Variants in SNAPC4 observed in about 807,000 individuals in gnomAD.
SNAPC4 encodes the protein small nuclear RNA activating complex polypeptide 4.
In SNAPC4, 127 loss-of-function variants were observed where a neutral mutation model predicts 151.3. The observed-to-expected ratio is 0.84, with a 90% CI of 0.73 to 0.97. SNAPC4 has a LOEUF of 0.97. Ranked by LOEUF, SNAPC4 falls within the 50% of genes least tolerant of loss-of-function variation. The pLI is 0.00. For missense variants in SNAPC4, 2,186 were observed against 1,935.0 expected (o/e 1.13, Z -2.43); for synonymous variants, 1,002 against 824.4 (o/e 1.22, Z -3.69).
In SNAPC4 at chr9:136,387,469, G is replaced by A. The variant is rs1336641364; in HGVS notation, c.1325+16C>T. On this transcript the variant is annotated intron_variant, in intron 13 of 23. Transcript: ENST00000684778. ...CCCACACGGGCCCCTCCCTCGCTCAGCGCTGTGCGACTCACCGATCTCGGC... is the reference window on the plus strand; with the variant it reads ...CCCACACGGGCCCCTCCCTCGCTCAACGCTGTGCGACTCACCGATCTCGGC... The A allele has an allele frequency of 6.3e-7, 1 of 1,582,488 alleles. No homozygotes were observed. The highest frequency in any genetic ancestry group is 1.7e-5 in the Admixed American group (1 of 59,984).
intron 14 of SNAPC4, 116 bp downstream of exon 14, chr9:136,384,604 G>A (rs1833824784): frequency 7.2e-6 from 4 of 559,216 alleles, no homozygotes; most frequent in African/African-American, 2.0e-5. Flanking sequence ...GGCTATGGTC[G>A]CACCACCGCA....
chr9:136,384,066 T>C (rs768032276), intron 14 of SNAPC4, 34 bp from the exon 15 acceptor site: 4 of 1,577,762 alleles, frequency 2.5e-6, no homozygotes, highest in Non-Finnish European at 3.5e-6. Context: ...AATGCCTTCA[T>C]CCAAAGATTC....
intron 19 of SNAPC4, 38 bp from the exon 20 acceptor site, chr9:136,380,888 T>C: frequency 2.4e-6 from 3 of 1,262,892 alleles, no homozygotes; most frequent in Non-Finnish European, 3.5e-6. Context: ...ATAGCTGCTT[T>C]CGGGAGCAGC....
chr9:136,387,446 C>T (rs781721516), intron 13 of SNAPC4, 39 bp downstream of exon 13: 3 of 1,428,284 alleles, frequency 2.1e-6, no homozygotes, highest in Non-Finnish European at 3.0e-6. Context: ...GTCAGTGACC[C>T]ACACGGGCCC....
Position 136,383,354 on chromosome 9 carries a change from A to G in SNAPC4, c.1815T>C (p.Ser605=). The change falls in exon 16 of 24, where the codon AGT becomes AGC. Residue 605 remains serine (S), a synonymous_variant. Coordinates refer to ENST00000684778, the MANE Select transcript of SNAPC4 (RefSeq NM_003086.4). This position sits in a 1 kb window ranked among gnomAD's most constrained non-coding sequence, Gnocchi z 4.2. ...AASLSPPKGS[S]ASQGGSKEAS... Reference sequence around the variant, plus strand: ...CTTCCTTGCTGCCGCCCTGGCTGGCACTGGACCCCTTGGGAGGGCTGAGGG... The same window carrying G: ...CTTCCTTGCTGCCGCCCTGGCTGGCGCTGGACCCCTTGGGAGGGCTGAGGG... 2 of 1,607,694 alleles carry G rather than the reference A, an allele frequency of 1.2e-6. No individual in the cohort carries two copies. Among genetic ancestry groups the G allele is most frequent in the South Asian group, 1.1e-5 (1 of 90,394 alleles).
In SNAPC4 at chr9:136,394,841, G is replaced by A. The variant is rs1834204014; in HGVS notation, c.509C>T (p.Ala170Val). 1.2e-6 allele frequency: 2 copies of A among 1,613,826 alleles called. No individual in the cohort carries two copies. Among genetic ancestry groups the A allele is most frequent in the African/African-American group, 1.3e-5 (1 of 74,936 alleles). ...CTCCTCGAAAGCCTTGATCCCCTGG[G>A]CAGCCTTCTCTCGTGTGTCCTCGTT... The part of the protein sequence containing the change: ...PANEDTREKA[A>V]QGIKAFEELL... The change falls in exon 6 of 24, where the codon GCC becomes GTC. Residue 170 changes from alanine (A) to valine (V), a missense_variant. Coordinates refer to ENST00000684778, the MANE Select transcript of SNAPC4 (RefSeq NM_003086.4).
In SNAPC4 at chr9:136,387,646, C is replaced by T. The variant is rs563315654; in HGVS notation, c.1231-67G>A. The T allele has an allele frequency of 5.6e-4, 792 of 1,421,234 alleles. 10 individuals are homozygous for T. In the South Asian group the frequency reaches 8.5e-3, roughly 15 times the overall value. 88.0% of individuals were successfully genotyped at this position (1,421,234 alleles called of 1,614,324 possible). A position where few individuals can be genotyped will look rare whatever the true frequency, so the allele number is the denominator to read the frequency against. ...ACGGCTGCAGCCTCCCCACCCTGAACCCAGTCAGAGAAGGGACCACTGGGG... is the reference window on the plus strand; with the variant it reads ...ACGGCTGCAGCCTCCCCACCCTGAATCCAGTCAGAGAAGGGACCACTGGGG... On this transcript the variant is annotated intron_variant, in intron 12 of 23. Transcript: ENST00000684778.
rs1456213549 is a variant in SNAPC4 at position 136,379,028 on chromosome 9, T to C, written c.2799A>G (p.Leu933=). ...CTGGGCGGCCGTGTGGGGTGTGTGG[T>C]AGAGGGGGCTGGAGGATCACAGACG... ...VSSSVILQPP[L]PHTPHGRPAP... Residue 933 remains leucine (L), a synonymous_variant, in exon 22 of 24, where the codon CTA becomes CTG. Transcript: ENST00000684778. 5 of 1,600,128 alleles carry C rather than the reference T, an allele frequency of 3.1e-6. No homozygotes were observed. Among genetic ancestry groups the C allele is most frequent in the Non-Finnish European group, 4.3e-6 (5 of 1,174,288 alleles).
Position 136,380,782 on chromosome 9 carries a change from C to T in SNAPC4, c.2457G>A (p.Leu819=). The T allele has an allele frequency of 6.2e-7, 1 of 1,611,998 alleles. No homozygotes were observed. The highest frequency in any genetic ancestry group is 8.5e-7 in the Non-Finnish European group (1 of 1,179,116). The change falls in exon 20 of 24, where the codon CTG becomes CTA. Residue 819 remains leucine (L), a synonymous_variant. Coordinates refer to ENST00000684778, the MANE Select transcript of SNAPC4 (RefSeq NM_003086.4). ...VRERKALPPR[L]PQAGARDPPV... is the part of the protein sequence containing the mutation. ...GTGGGTCCCGAGCACCAGCCTGGGGCAGCCTGGGTGGCAGGGCCTTCCTCT... is the reference window on the plus strand; with the variant it reads ...GTGGGTCCCGAGCACCAGCCTGGGGTAGCCTGGGTGGCAGGGCCTTCCTCT...
At chr9:136,395,178 G>A (rs1035030188) in intron 5 of SNAPC4, 120 bp downstream of exon 5, 5 of 1,297,860 alleles carry the variant, frequency 3.9e-6, no homozygotes, top group Admixed American at 2.1e-5. Flanking sequence ...TTTGAAGGAG[G>A]TTGGCCAATG....
chr9:136,378,416 TG>T lies in SNAPC4; in HGVS notation c.3410del (p.Pro1137GlnfsTer4). On this transcript the variant is annotated frameshift_variant, in exon 22 of 24. Coordinates refer to ENST00000684778, the MANE Select transcript of SNAPC4 (RefSeq NM_003086.4). LOFTEE classifies it high-confidence loss of function. ...GCTCCGGTTCCCTGTTCATATTGGC[TG>T]GGGGCTGCCAAGAGCTGCTCAACGC... is the stretch of plus-strand genomic sequence containing the variant. ...APALSSSWQP[P>X]ANMNREPEPS... The T allele has an allele frequency of 6.2e-7, 1 of 1,603,588 alleles. No homozygotes were observed.
chr9:136,394,770 G>A (rs764588542), intron 6 of SNAPC4, 30 bp downstream of exon 6: 3 of 1,604,000 alleles, frequency 1.9e-6, no homozygotes, highest in Non-Finnish European at 2.6e-6. Flanking sequence ...CCAAGCTCAG[G>A]GGTGCCGCAG....
In SNAPC4 at chr9:136,392,604, G is replaced by A. The variant is rs765582143; in HGVS notation, c.738-10C>T. On this transcript the variant is annotated splice_polypyrimidine_tract_variant and intron_variant, in intron 8 of 23. Coordinates refer to ENST00000684778, the MANE Select transcript of SNAPC4 (RefSeq NM_003086.4). ...CTCTTCTGGAAGCTGGCTGGTGGAA[G>A]GGATGAGGGTATTGGCACCACGCCT... 1.9e-6 allele frequency: 3 copies of A among 1,613,850 alleles called. No individual in the cohort carries two copies. The highest frequency in any genetic ancestry group is 3.3e-5 in the Admixed American group (2 of 60,034).
At chr9:136,395,838 G>A in intron 3 of SNAPC4, 68 bp from the exon 4 acceptor site, 1 of 1,497,542 alleles carries the variant, frequency 6.7e-7, no homozygotes, top group Non-Finnish European at 9.1e-7. Context: ...TCGGCAGCCA[G>A]TCGCCCATCG....
At position 136,388,600 on chromosome 9, in the gene SNAPC4, G is replaced by A. The variant is rs1385346993; in HGVS notation, c.976-9C>T. ...AAGGCGCTGCGGCTGGTCTTCCCAG[G>A]CCCAAACAAAAGCAAATGAGTGTTA... On this transcript the variant is annotated splice_polypyrimidine_tract_variant and intron_variant, in intron 10 of 23. Coordinates refer to ENST00000684778, the MANE Select transcript of SNAPC4 (RefSeq NM_003086.4). The A allele has an allele frequency of 2.5e-6, 4 of 1,613,738 alleles. No individual in the cohort carries two copies. The highest frequency in any genetic ancestry group is 2.7e-5 in the African/African-American group (2 of 74,930).
intron 21 of SNAPC4, 118 bp downstream of exon 21, chr9:136,379,718 CA>C (rs1833618244): frequency 1.0e-6 from 1 of 956,074 alleles, no homozygotes; most frequent in Non-Finnish European, 1.6e-6. Flanking sequence ...GCTCTGTCAC[CA>C]GGGGCCACAG....
Position 136,383,875 on chromosome 9 carries a change from CCCTCCTCCTG to C in SNAPC4, c.1500+68_1500+77del. On this transcript the variant is annotated intron_variant, in intron 15 of 23. Coordinates refer to ENST00000684778, the MANE Select transcript of SNAPC4 (RefSeq NM_003086.4). The surrounding 1 kb of genome is among the most constrained non-coding windows in gnomAD (Gnocchi z 4.2). Reference sequence around the variant, plus strand: ...AGAAACCGAACGCCCCCCTCCCCTCCCCTCCTCCTGCCTGCTGGACCCCCCAGTTGACCAG... The same window carrying C: ...AGAAACCGAACGCCCCCCTCCCCTCCCCTGCTGGACCCCCCAGTTGACCAG... 1 of 1,406,470 alleles carries C rather than the reference CCCTCCTCCTG, an allele frequency of 7.1e-7. No homozygotes were observed. Among genetic ancestry groups the C allele is most frequent in the Non-Finnish European group, 1.0e-6 (1 of 997,168 alleles). 87.1% of individuals were successfully genotyped at this position (1,406,470 alleles called of 1,614,324 possible).
intron 10 of SNAPC4, among the ~76,000 whole-genome samples, chr9:136,389,490 C>T (rs147188303): frequency 9.9e-5 from 15 of 152,210 alleles, no homozygotes; most frequent in African/African-American, 3.4e-4. Flanking sequence ...CTTCCCAGCT[C>T]GCTACATCAC....
chr9:136,377,958 C>T lies in SNAPC4; in HGVS notation c.3869G>A (p.Arg1290Gln), dbSNP rs746248082. The change falls in exon 22 of 24, where the codon CGG becomes CAG. Residue 1290 changes from arginine (R) to glutamine (Q), a missense_variant. Coordinates refer to ENST00000684778, the MANE Select transcript of SNAPC4 (RefSeq NM_003086.4). ...AATQQWLGGQRGVRVPLLGSR... is the reference protein window; with the variant it reads ...AATQQWLGGQQGVRVPLLGSR... ...GCCCAGAAGAGGCACACGCACCCCC[C>T]GCTGGCCCCCCAGCCACTGCTGTGT... 1.4e-5 allele frequency: 22 copies of T among 1,601,996 alleles called. No homozygotes were observed. Among genetic ancestry groups the T allele is most frequent in the Middle Eastern group, 1.8e-4 (1 of 5,568 alleles).
Sources: allele counts gnomAD v4.1 joint callset (sites outside exome capture counted in the v4.1 genomes callset), GRCh38; gene constraint gnomAD v4.1.1; non-coding constraint Gnocchi (gnomAD v3.1); transcripts MANE v1.5; gene names NCBI Gene and HGNC (gene_info 2026-07-23, HGNC 2026-07-21).